The following CPQ variants were observed in gnomAD, a reference collection of about 807,000 sequenced individuals.
CPQ encodes Ser-Met dipeptidase.
Under a neutral mutation model 45.7 loss-of-function variants are expected in CPQ, and 37 were observed. The ratio of observed to expected loss-of-function variants is 0.81; its 90% CI spans 0.62 to 1.07. The LOEUF (loss-of-function observed/expected upper bound fraction) is 1.07, where lower values mean the gene tolerates loss of function less well. Among genes scored for constraint, CPQ ranks in the 50% least tolerant of loss-of-function variants. The pLI, the probability that CPQ is intolerant of heterozygous loss-of-function variation, is 0.00. For missense variants in CPQ, 537 were observed against 572.9 expected (o/e 0.94, Z 0.64); for synonymous variants, 186 against 205.8 (o/e 0.90, Z 0.82).
intron 7 of CPQ, among the ~76,000 whole-genome samples, chr8:97,135,307 A>AT (rs1232550297): frequency 6.6e-6 from 1 of 151,118 alleles, no homozygotes; most frequent in Non-Finnish European, 1.5e-5. Flanking sequence ...TTTTCCTTTC[A>AT]TTTTTTCCCC....
intron 7 of CPQ, among the ~76,000 whole-genome samples, chr8:97,114,464 T>C (rs1000813128): frequency 5.3e-5 from 8 of 152,176 alleles, no homozygotes; most frequent in African/African-American, 1.9e-4. Context: ...AGTGAGACAA[T>C]ATGTGGAAGT....
chr8:96,985,935 A>T (rs1258963027), intron 5 of CPQ, among the ~76,000 whole-genome samples: 1 of 152,148 alleles, frequency 6.6e-6, no homozygotes, highest in African/African-American at 2.4e-5. Context: ...TAAAGATATA[A>T]TTTTTCTATG....
intron 7 of CPQ, among the ~76,000 whole-genome samples, chr8:97,082,924 G>A (rs1455152184): frequency 6.6e-6 from 1 of 152,236 alleles, no homozygotes; most frequent in Middle Eastern, 3.4e-3. Context: ...AAGGCAATGA[G>A]GTAAAACAAC....
chr8:96,903,884 G>A (rs951844707), intron 4 of CPQ, among the ~76,000 whole-genome samples: 1 of 152,164 alleles, frequency 6.6e-6, no homozygotes, highest in African/African-American at 2.4e-5. Flanking sequence ...TATTTGCTCC[G>A]AAAGCAACTT....
chr8:96,848,711 G>A (rs1586425129), intron 3 of CPQ, among the ~76,000 whole-genome samples: 1 of 152,140 alleles, frequency 6.6e-6, no homozygotes, highest in Admixed American at 6.5e-5. Flanking sequence ...TTGGGAAAAT[G>A]TTATCAAGTT....
In CPQ at chr8:97,085,384, T is replaced by TA. The variant is rs1382439302; in HGVS notation, c.1255+19186dup. Among the ~76,000 whole-genome samples the TA allele has an allele frequency of 2.1e-3, 301 of 143,350 alleles. 3 individuals carry two copies. The highest frequency in any genetic ancestry group is 0.015 in the East Asian group (74 of 4,962). The allele number at this position is 143,350 out of a possible 152,430, so 94.0% of individuals were successfully genotyped here. A position where few individuals can be genotyped will look rare whatever the true frequency, so the allele number is the denominator to read the frequency against. On this transcript the variant is annotated intron_variant, in intron 7 of 7. Coordinates refer to ENST00000220763, the MANE Select transcript of CPQ (RefSeq NM_016134.4). Reference sequence around the variant, plus strand: ...GGATGACAAAGTGAAACCCTGGCTCTAAAAAAAAAAAACCAAAAACAAGTC... The same window carrying TA: ...GGATGACAAAGTGAAACCCTGGCTCTAAAAAAAAAAAAACCAAAAACAAGTC...
chr8:96,838,877 A>G (rs1214698632), intron 3 of CPQ, among the ~76,000 whole-genome samples: 1 of 152,130 alleles, frequency 6.6e-6, no homozygotes, highest in East Asian at 1.9e-4. Context: ...CTTTTAGGGT[A>G]CTTTGCTCTG....
intron 2 of CPQ, among the ~76,000 whole-genome samples, chr8:96,795,372 C>T (rs905820041): frequency 7.2e-5 from 11 of 152,112 alleles, no homozygotes; most frequent in Non-Finnish European, 2.9e-5. Context: ...GCCCTGCCCC[C>T]ATGATTCAAT....
At chr8:97,035,234 C>T (rs1809978128) in intron 6 of CPQ, among the ~76,000 whole-genome samples, 2 of 152,136 alleles carry the variant, frequency 1.3e-5, no homozygotes, top group South Asian at 4.1e-4. Context: ...GTGAATATAC[C>T]ACAGTCTCTT....
At chr8:96,829,274 A>G (rs1212795093) in intron 2 of CPQ, among the ~76,000 whole-genome samples, 1 of 152,102 alleles carries the variant, frequency 6.6e-6, no homozygotes, top group African/African-American at 2.4e-5. Context: ...CACAAGGCCA[A>G]CAGAGCAGGT....
intron 2 of CPQ, among the ~76,000 whole-genome samples, chr8:96,819,393 T>A (rs1263497227): frequency 6.6e-6 from 1 of 152,156 alleles, no homozygotes; most frequent in Non-Finnish European, 1.5e-5. Flanking sequence ...GCAGTCTTTT[T>A]TACATTATTA....
At chr8:97,052,182 T>C (rs1437871634) in intron 6 of CPQ, among the ~76,000 whole-genome samples, 1 of 152,182 alleles carries the variant, frequency 6.6e-6, no homozygotes, top group East Asian at 1.9e-4. Flanking sequence ...TTATTACTAT[T>C]CTCAGATGAA....
chr8:96,755,150 TA>T (rs1243790593), intron 1 of CPQ, among the ~76,000 whole-genome samples: 2 of 151,982 alleles, frequency 1.3e-5, no homozygotes, highest in African/African-American at 2.4e-5. Context: ...CAATTTGATT[TA>T]AAAATAGTTC....
chr8:96,777,760 ATTTTTTTTTTTTTTTT>A (rs1163639654), intron 1 of CPQ, among the ~76,000 whole-genome samples: 15 of 14,062 alleles, frequency 1.1e-3, no homozygotes, highest in African/African-American at 3.0e-3. Flanking sequence ...ATATATATAT[ATTTTTTTTTTTTTTTT>A]TTTTTTTTTT....
At chr8:96,815,149 A>G (rs1046019395) in intron 2 of CPQ, among the ~76,000 whole-genome samples, 1 of 152,092 alleles carries the variant, frequency 6.6e-6, no homozygotes, top group Admixed American at 6.6e-5. Context: ...GAACGCTTCA[A>G]ATGAGTGAAT....
At chr8:97,039,221 C>G (rs1810064560) in intron 6 of CPQ, among the ~76,000 whole-genome samples, 1 of 152,104 alleles carries the variant, frequency 6.6e-6, no homozygotes, top group African/African-American at 2.4e-5. Context: ...TTTCTAAAAG[C>G]AAGAACAGAA....
At chr8:97,109,323 C>G (rs1178633236) in intron 7 of CPQ, among the ~76,000 whole-genome samples, 1 of 152,188 alleles carries the variant, frequency 6.6e-6, no homozygotes, top group Non-Finnish European at 1.5e-5. Flanking sequence ...CAGGCAAACC[C>G]CCTTTCAGAT....
At chr8:96,765,031 G>A (rs913004856) in intron 1 of CPQ, among the ~76,000 whole-genome samples, 4 of 152,138 alleles carry the variant, frequency 2.6e-5, no homozygotes, top group African/African-American at 4.8e-5. Context: ...TAAATTGTTT[G>A]GAACAAGAAA....
chr8:97,016,522 T>C (rs906729510), intron 5 of CPQ, among the ~76,000 whole-genome samples: 2 of 152,288 alleles, frequency 1.3e-5, no homozygotes, highest in East Asian at 1.9e-4. Context: ...ATGTCAGGTA[T>C]TGGGCCAGAT....
Sources: gnomAD v4.1 joint callset for allele counts (sites outside exome capture counted in the v4.1 genomes callset) on GRCh38, gnomAD v4.1.1 for gene constraint, MANE v1.5 for transcripts, NCBI Gene and HGNC (gene_info 2026-07-23, HGNC 2026-07-21) for gene names.